The following DAPK2 variants were observed in gnomAD, a reference collection of about 807,000 sequenced individuals.
DAPK2 encodes the protein death-associated protein kinase 2.
A neutral mutation model predicts 44.1 loss-of-function variants in DAPK2; 35 were observed. The ratio of observed to expected loss-of-function variants is 0.79; its 90% confidence interval spans 0.61 to 1.05. The LOEUF is 1.05. Among genes scored for constraint, DAPK2 ranks in the 50% least tolerant of loss-of-function variants. The probability of loss-of-function intolerance (pLI) is 0.00; values close to 1 mark genes in which losing one functional copy is unlikely to be tolerated. For synonymous variants in DAPK2, 174 were observed against 182.6 expected (o/e 0.95, Z 0.38); for missense variants, 453 against 483.2 (o/e 0.94, Z 0.59).
chr15:63,932,138 G>A (rs1241992813), intron 4 of DAPK2, among the ~76,000 whole-genome samples: 2 of 142,580 alleles, frequency 1.4e-5, no homozygotes, highest in Non-Finnish European at 3.0e-5. Flanking sequence ...CTGCACGCCA[G>A]CCTGGGTGAC....
At chr15:64,022,920 T>G (rs1473500276) in intron 1 of DAPK2, among the ~76,000 whole-genome samples, 2 of 152,156 alleles carry the variant, frequency 1.3e-5, no homozygotes, top group East Asian at 3.9e-4. Flanking sequence ...CAGTCTAAAT[T>G]CTAAGATAGC....
At chr15:63,951,975 C>T (rs755121368) in intron 3 of DAPK2, among the ~76,000 whole-genome samples, 5 of 152,208 alleles carry the variant, frequency 3.3e-5, no homozygotes, top group Non-Finnish European at 5.9e-5. Flanking sequence ...CGTGCTGGCT[C>T]ATGCCTGTAA....
At chr15:63,976,653 C>T (rs766652546) in intron 2 of DAPK2, among the ~76,000 whole-genome samples, 6 of 152,074 alleles carry the variant, frequency 3.9e-5, no homozygotes, top group Non-Finnish European at 8.8e-5. Context: ...TGTAGTGAGC[C>T]GTGATTGTGC....
intron 3 of DAPK2, among the ~76,000 whole-genome samples, chr15:63,969,751 A>C (rs1478321746): frequency 6.6e-6 from 1 of 152,092 alleles, no homozygotes; most frequent in Non-Finnish European, 1.5e-5. Context: ...TAAAAAAAAA[A>C]AAAAAGTGAC....
chr15:63,930,292 A>T, intron 5 of DAPK2, 115 bp downstream of exon 6: 5 of 1,034,622 alleles, frequency 4.8e-6, no homozygotes, highest in Non-Finnish European at 7.6e-6. Context: ...GGCTCTGAAC[A>T]GTGAGTGTGG....
intron 1 of DAPK2, among the ~76,000 whole-genome samples, chr15:64,000,186 TACACACACACACAC>T (rs3056828): frequency 6.8e-6 from 1 of 147,826 alleles, no homozygotes; most frequent in Non-Finnish European, 1.5e-5. Context: ...CTACTACTAC[TACACACACACACAC>T]ACACACACAC....
chr15:64,044,616 C>G (rs936972590), upstream of DAPK2, among the ~76,000 whole-genome samples: 1 of 152,166 alleles, frequency 6.6e-6, no homozygotes, highest in Non-Finnish European at 1.5e-5. Flanking sequence ...GCCACCCCAA[C>G]TCCTCCAAGA....
At chr15:63,967,893 G>A (rs2078101039) in intron 3 of DAPK2, among the ~76,000 whole-genome samples, 1 of 152,170 alleles carries the variant, frequency 6.6e-6, no homozygotes, top group African/African-American at 2.4e-5. Context: ...CCTTCAAGCT[G>A]GAAGGTGTGC....
chr15:64,014,775 C>G (rs1190787068), intron 1 of DAPK2, among the ~76,000 whole-genome samples: 1 of 152,064 alleles, frequency 6.6e-6, no homozygotes, highest in African/African-American at 2.4e-5. Context: ...CAAAAATTAG[C>G]TGGGCATGGT....
At chr15:63,961,777 T>A (rs1413652293) in intron 3 of DAPK2, among the ~76,000 whole-genome samples, 1 of 152,208 alleles carries the variant, frequency 6.6e-6, no homozygotes, top group African/African-American at 2.4e-5. Context: ...CATTAACATT[T>A]TTTTCCTTTA....
At chr15:63,989,939 G>A (rs1016608188) in intron 1 of DAPK2, among the ~76,000 whole-genome samples, 3 of 152,116 alleles carry the variant, frequency 2.0e-5, no homozygotes, top group African/African-American at 4.8e-5. Flanking sequence ...TGATCTGCCC[G>A]CCTAGGCCTC....
chr15:63,922,230 G>T lies in DAPK2; in HGVS notation c.858+2586C>A, dbSNP rs540543885. 2.1e-5 allele frequency: 20 copies of T among 962,312 alleles called. No individual in the cohort carries two copies. In the East Asian group the frequency reaches 6.9e-4, roughly 33 times the overall value. The allele number at this position is 962,312 out of a possible 1,614,324, so 59.6% of individuals were successfully genotyped here. A position where few individuals can be genotyped will look rare whatever the true frequency, so the allele number is the denominator to read the frequency against. ...GGTCATTTGTCAGACATGAGTGCTT[G>T]GTAAGTGAAAAATCAATGCAAACGA... is the stretch of plus-strand genomic sequence containing the variant. On this transcript the variant is annotated intron_variant, in intron 8 of 10. Transcript: ENST00000261891.
At chr15:64,030,880 A>G (rs890801473) in intron 1 of DAPK2, among the ~76,000 whole-genome samples, 6 of 151,540 alleles carry the variant, frequency 4.0e-5, no homozygotes, top group African/African-American at 1.2e-4. Context: ...AGGCGGGAGG[A>G]TGCTGGAGCC....
intron 1 of DAPK2, among the ~76,000 whole-genome samples, chr15:64,016,275 C>T (rs1278305693): frequency 2.0e-5 from 3 of 152,198 alleles, no homozygotes; most frequent in Non-Finnish European, 4.4e-5. Context: ...CATGAGTTTC[C>T]CAAAGTAACT....
chr15:63,987,909 T>C (rs2078709810), intron 1 of DAPK2, among the ~76,000 whole-genome samples: 1 of 152,152 alleles, frequency 6.6e-6, no homozygotes, highest in Non-Finnish European at 1.5e-5. Context: ...CCCTGCCCAC[T>C]TCCCAGGGTT....
At chr15:63,928,541 G>A (rs1455882794) in intron 6 of DAPK2, 2 of 152,236 alleles carry the variant, frequency 1.3e-5, no homozygotes, top group Non-Finnish European at 2.9e-5. Flanking sequence ...GCATGTTCCA[G>A]AGTCAGGGCT....
intron 2 of DAPK2, among the ~76,000 whole-genome samples, chr15:63,976,697 C>T (rs1351516796): frequency 6.6e-6 from 1 of 152,120 alleles, no homozygotes; most frequent in Non-Finnish European, 1.5e-5. Context: ...GAGAATCGGT[C>T]TCAAAAACAA....
chr15:64,009,557 C>A (rs117142063), intron 1 of DAPK2, among the ~76,000 whole-genome samples: 1 of 152,218 alleles, frequency 6.6e-6, no homozygotes, highest in East Asian at 1.9e-4. Context: ...TGGGTTTCTG[C>A]TAGCCCTATT....
In DAPK2 at chr15:63,997,531, A is replaced by G. The variant is rs373339265; in HGVS notation, c.93-13777T>C. ...TTTTTAGTAGACATGCGGTTTCACA[A>G]TGTTGGCCAGTCTGGTCTCGAACTC... On this transcript the variant is annotated intron_variant, in intron 1 of 10. Coordinates refer to ENST00000261891, the Ensembl canonical transcript of DAPK2. Among the ~76,000 whole-genome samples the G allele has an allele frequency of 1.2e-3, 188 of 152,274 alleles. 1 individual carries two copies. The highest frequency in any genetic ancestry group is 4.3e-3 in the African/African-American group (179 of 41,550).
Sources: gnomAD v4.1 joint callset for allele counts (sites outside exome capture counted in the v4.1 genomes callset) on GRCh38, gnomAD v4.1.1 for gene constraint, MANE v1.5 for transcripts, NCBI Gene and HGNC (gene_info 2026-07-23, HGNC 2026-07-21) for gene names.